PRKN: variants seen among roughly 807,000 people sequenced by gnomAD.
The protein encoded by PRKN is E3 ubiquitin-protein ligase parkin.
A neutral mutation model predicts 59.5 loss-of-function variants in PRKN; 56 were observed. The observed-to-expected ratio is 0.94, with a 90% CI of 0.76 to 1.18. PRKN has a LOEUF of 1.18. Ranked by LOEUF, PRKN falls within the 50% of genes most tolerant of loss-of-function variation. The pLI is 0.00. For synonymous variants in PRKN, 250 were observed against 222.1 expected (o/e 1.13, Z -1.12); for missense variants, 657 against 596.4 (o/e 1.10, Z -1.06).
At chr6:161,821,804 A>G (rs1360527211) in intron 6 of PRKN, among the ~76,000 whole-genome samples, 2 of 123,956 alleles carry the variant, frequency 1.6e-5, no homozygotes, top group Non-Finnish European at 3.1e-5. Context: ...GCTGGAGTGC[A>G]GTGGTGCAAT....
At chr6:162,105,478 T>C (rs1780155590) in intron 4 of PRKN, among the ~76,000 whole-genome samples, 1 of 152,220 alleles carries the variant, frequency 6.6e-6, no homozygotes, top group African/African-American at 2.4e-5. Context: ...TTCGGCTCAC[T>C]GCAACCTCCA....
chr6:162,479,214 A>G (rs1001363347), intron 1 of PRKN, among the ~76,000 whole-genome samples: 2 of 151,736 alleles, frequency 1.3e-5, no homozygotes, highest in Non-Finnish European at 2.9e-5. Context: ...AAAAAAAAAA[A>G]CAACCTTTAA....
intron 6 of PRKN, among the ~76,000 whole-genome samples, chr6:161,899,051 T>G (rs908483587): frequency 6.6e-6 from 1 of 152,228 alleles, no homozygotes; most frequent in African/African-American, 2.4e-5. Context: ...GGCAGCTGGC[T>G]GCACAGCAGC....
Position 162,443,391 on chromosome 6 carries a change from A to C in PRKN, c.90T>G (p.Val30=), listed in dbSNP as rs1583580774. 7 of 1,614,012 alleles carry C rather than the reference A, an allele frequency of 4.3e-6. No individual in the cohort carries two copies. In the South Asian group the frequency reaches 6.6e-5, roughly 15 times the overall value. Residue 30 remains valine, a synonymous_variant, in exon 2 of 12, where the codon GTT becomes GTG. Transcript: ENST00000366898. ...DTSIFQLKEV[V]AKRQGVPADQ... is the part of the protein sequence containing the mutation. The stretch of plus-strand genomic sequence containing the variant: ...CAGCCGGAACCCCCTGTCGCTTAGC[A>C]ACCACCTCCTTGAGCTGGAAGATGC...
At chr6:162,217,620 G>C (rs766989982) in intron 3 of PRKN, among the ~76,000 whole-genome samples, 7 of 152,122 alleles carry the variant, frequency 4.6e-5, no homozygotes. Flanking sequence ...TCGAACTCCT[G>C]ACCTCAAGTG....
chr6:161,919,413 A>T (rs1445914268), intron 6 of PRKN, among the ~76,000 whole-genome samples: 1 of 152,206 alleles, frequency 6.6e-6, no homozygotes, highest in Admixed American at 6.5e-5. Context: ...TTTTTCTGAA[A>T]CTGGATTGTG....
chr6:161,765,645 T>C (rs1273020684), intron 7 of PRKN, among the ~76,000 whole-genome samples: 2 of 152,092 alleles, frequency 1.3e-5, no homozygotes, highest in East Asian at 1.9e-4. Context: ...TAAAGTGGTA[T>C]ATTAGGCAAA....
rs1025793308 is a variant in PRKN, at chr6:161,473,172, T to A, written c.1083+75682A>T. Among the ~76,000 whole-genome samples the A allele has an allele frequency of 3.3e-5, 5 of 152,082 alleles. No homozygotes were observed. Among genetic ancestry groups the A allele is most frequent in the Non-Finnish European group, 5.9e-5 (4 of 67,994 alleles). ...GAGTATATACTCAAAAGAAGTAAAATTAGCACCTCACAGAGCTGCCTTCTT... is the reference window on the plus strand; with the variant it reads ...GAGTATATACTCAAAAGAAGTAAAAATAGCACCTCACAGAGCTGCCTTCTT... On this transcript the variant is annotated intron_variant, in intron 9 of 11. Transcript: ENST00000366898. The surrounding 1 kb of genome is among the most constrained non-coding windows in gnomAD (Gnocchi z 4.1).
chr6:162,085,121 C>T (rs1467959470), intron 4 of PRKN, among the ~76,000 whole-genome samples: 1 of 149,130 alleles, frequency 6.7e-6, no homozygotes, highest in East Asian at 2.0e-4. Flanking sequence ...AAACAGATGT[C>T]TTAAGAGGAA....
chr6:162,145,543 G>A (rs1279441283), intron 4 of PRKN, among the ~76,000 whole-genome samples: 1 of 152,168 alleles, frequency 6.6e-6, no homozygotes, highest in Non-Finnish European at 1.5e-5. Context: ...TTAGACAAAT[G>A]CACAGCAAAG....
rs867833377 is a variant in PRKN, at chr6:162,017,228, C to T, written c.618+36863G>A. On this transcript the variant is annotated intron_variant, in intron 5 of 11. Coordinates refer to ENST00000366898, the MANE Select transcript of PRKN (RefSeq NM_004562.3). The stretch of plus-strand genomic sequence containing the variant: ...TCCCTAGGGTGGTTAAGAGTCTGTA[C>T]TTGGGAATCCATCAGAACTGGTTTG... Among the ~76,000 whole-genome samples the T allele has an allele frequency of 5.3e-5, 8 of 152,236 alleles. No homozygotes were observed. The South Asian group carries it at 6.2e-4, about 12-fold the overall frequency.
chr6:161,869,011 A>T (rs899192353), intron 6 of PRKN, among the ~76,000 whole-genome samples: 2 of 152,224 alleles, frequency 1.3e-5, no homozygotes, highest in African/African-American at 4.8e-5. Flanking sequence ...TAATAATGTG[A>T]ACCTCACTGG....
intron 6 of PRKN, among the ~76,000 whole-genome samples, chr6:161,894,072 G>T (rs181033177): frequency 2.0e-5 from 3 of 152,130 alleles, no homozygotes; most frequent in Admixed American, 2.0e-4. Context: ...TGCATTAAAT[G>T]GTGTGACCTT....
At chr6:162,172,014 ACTCCAAGAGGC>A (rs1212589747) in intron 4 of PRKN, among the ~76,000 whole-genome samples, 1 of 152,028 alleles carries the variant, frequency 6.6e-6, no homozygotes, top group Non-Finnish European at 1.5e-5. Flanking sequence ...TCTCACAGCA[ACTCCAAGAGGC>A]CTGCCTCATT....
At chr6:161,479,324 T>C (rs1791276584) in intron 9 of PRKN, among the ~76,000 whole-genome samples, 1 of 152,190 alleles carries the variant, frequency 6.6e-6, no homozygotes, top group Non-Finnish European at 1.5e-5. Flanking sequence ...AAGTTTCAAG[T>C]GTGGGTATGT....
intron 3 of PRKN, among the ~76,000 whole-genome samples, chr6:162,259,582 G>A (rs746002531): frequency 9.9e-5 from 15 of 152,104 alleles, no homozygotes; most frequent in Non-Finnish European, 1.9e-4. Context: ...AATCATATAG[G>A]CATACTGTTT....
intron 8 of PRKN, among the ~76,000 whole-genome samples, chr6:161,557,472 C>T (rs1048811257): frequency 6.6e-6 from 1 of 152,058 alleles, no homozygotes; most frequent in Admixed American, 6.6e-5. Flanking sequence ...AGTGAACTTC[C>T]CCTTTCTTGC....
chr6:162,102,730 TGAA>T (rs1780024119), intron 4 of PRKN, among the ~76,000 whole-genome samples: 1 of 144,342 alleles, frequency 6.9e-6, no homozygotes, highest in Admixed American at 6.7e-5. Context: ...ACACTGCTGA[TGAA>T]GAACACACAG....
At position 161,350,117 on chromosome 6, in the gene PRKN, G is replaced by C; in HGVS notation, c.1380C>G (p.Asp460Glu). ...GCEWNRVCMG[D>E]HWFDV ...GCCCTGGCTACACGTCGAACCAGTG[G>C]TCCCCCATGCAGACGCGGTTCCACT... is the stretch of plus-strand genomic sequence containing the variant. Residue 460 changes from aspartate to glutamate, a missense_variant, in exon 12 of 12, where the codon GAC becomes GAG. Asp to Glu is a conservative substitution (Grantham distance 45, BLOSUM62 2). Coordinates refer to ENST00000366898, the MANE Select transcript of PRKN (RefSeq NM_004562.3). 6.2e-7 allele frequency: 1 copy of C among 1,613,196 alleles called. No individual in the cohort carries two copies. The highest frequency in any genetic ancestry group is 8.5e-7 in the Non-Finnish European group (1 of 1,179,602).
Sources: gnomAD v4.1 joint callset for allele counts (sites outside exome capture counted in the v4.1 genomes callset) on GRCh38, gnomAD v4.1.1 for gene constraint, Gnocchi (gnomAD v3.1) non-coding constraint, MANE v1.5 for transcripts, NCBI Gene and HGNC (gene_info 2026-07-23, HGNC 2026-07-21) for gene names.